The following BACH2 variants were observed in gnomAD, a reference collection of about 807,000 sequenced individuals.
BACH2 encodes BACH transcriptional regulator 2, also known as transcription regulator protein BACH2.
BACH2 carries 5 observed loss-of-function variants against 61.8 expected under a neutral mutation model. The ratio of observed to expected loss-of-function variants is 0.08; its 90% CI spans 0.04 to 0.17. The LOEUF (loss-of-function observed/expected upper bound fraction) is 0.17. Ranked by LOEUF, BACH2 falls within the 10% of genes least tolerant of loss-of-function variation. The pLI, the probability that BACH2 is intolerant of heterozygous loss-of-function variation, is 1.00. For missense variants in BACH2, 824 were observed against 1,091.1 expected (o/e 0.76, Z 3.45); for synonymous variants, 446 against 440.1 (o/e 1.01, Z -0.17).
At chr6:89,958,256 C>T (rs1774533234) in intron 6 of BACH2, among the ~76,000 whole-genome samples, 1 of 152,214 alleles carries the variant, frequency 6.6e-6, no homozygotes, top group South Asian at 2.1e-4. Flanking sequence ...GCTGGGATTA[C>T]AGGCATGAGC....
intron 4 of BACH2, among the ~76,000 whole-genome samples, chr6:90,168,651 T>A (rs1325157548): frequency 1.3e-5 from 2 of 152,188 alleles, no homozygotes; most frequent in African/African-American, 4.8e-5. Context: ...AATAGAGCTG[T>A]CTGTTAAGTA....
In BACH2 at chr6:90,279,501, C is replaced by A. The variant is rs906772719; in HGVS notation, c.-445-7560G>T. Reference sequence around the variant, plus strand: ...TCATGCCACTGCACTCCAGCCTGGGCGACAGAGCGAGACTCCGTCTCAAAA... The same window carrying A: ...TCATGCCACTGCACTCCAGCCTGGGAGACAGAGCGAGACTCCGTCTCAAAA... On this transcript the variant is annotated intron_variant, in intron 1 of 8. Coordinates refer to ENST00000257749, the MANE Select transcript of BACH2 (RefSeq NM_021813.4). 2.2e-5 allele frequency among the ~76,000 whole-genome samples: 3 copies of A among 138,602 alleles called. No individual in the cohort carries two copies. The Admixed American group carries it at 2.3e-4, about 11-fold the overall frequency. 90.9% of individuals were successfully genotyped at this position (138,602 alleles called of 152,430 possible).
At chr6:89,999,543 C>A (rs951757944) in intron 6 of BACH2, among the ~76,000 whole-genome samples, 2 of 151,214 alleles carry the variant, frequency 1.3e-5, no homozygotes, top group South Asian at 2.1e-4. Context: ...AAATTCTTAT[C>A]ATAAATTAAA....
intron 4 of BACH2, among the ~76,000 whole-genome samples, chr6:90,164,049 A>G (rs969127527): frequency 2.6e-5 from 4 of 152,352 alleles, no homozygotes; most frequent in South Asian, 2.1e-4. Context: ...GCAGAAGGCA[A>G]GAAATAACTA....
intron 6 of BACH2, among the ~76,000 whole-genome samples, chr6:89,956,298 C>T (rs896719691): frequency 4.6e-5 from 7 of 152,066 alleles, no homozygotes; most frequent in East Asian, 1.9e-4. Flanking sequence ...CATGTGGGGG[C>T]GAGACCTCGG....
chr6:89,950,783 C>A lies in BACH2; in HGVS notation c.1323G>T (p.Val441=). 1 of 1,614,156 alleles carries A rather than the reference C, an allele frequency of 6.2e-7. No individual in the cohort carries two copies. The highest frequency in any genetic ancestry group is 8.5e-7 in the Non-Finnish European group (1 of 1,180,028). ...CAGAATAAGAATGCACCGAGGTGCT[C>A]ACTTGGTCACAAGCGCTGGAGGAGA... ...VIFSSSACDQ[V]STSVHSYSGV... The change falls in exon 7 of 9, where the codon GTG becomes GTT. Residue 441 remains valine (V), a synonymous_variant. Coordinates refer to ENST00000257749, the MANE Select transcript of BACH2 (RefSeq NM_021813.4). The surrounding 1 kb of genome is among the most constrained non-coding windows in gnomAD (Gnocchi z 5.3).
intron 5 of BACH2, among the ~76,000 whole-genome samples, chr6:90,014,480 T>A (rs1462207676): frequency 6.7e-4 from 80 of 119,394 alleles, no homozygotes; most frequent in African/African-American, 2.4e-3. Context: ...TTTTTTTTTT[T>A]TTTTTTTTTT....
chr6:90,125,706 C>A (rs1783821296), intron 4 of BACH2, among the ~76,000 whole-genome samples: 1 of 152,152 alleles, frequency 6.6e-6, no homozygotes. Context: ...CACATGCATC[C>A]CTCACACCCC....
chr6:90,241,366 G>A (rs555114312), intron 3 of BACH2, among the ~76,000 whole-genome samples: 1 of 152,082 alleles, frequency 6.6e-6, no homozygotes, highest in Non-Finnish European at 1.5e-5. Context: ...CCTCCAAATG[G>A]CTCCCCCTCC....
intron 2 of BACH2, among the ~76,000 whole-genome samples, chr6:90,266,916 A>G (rs1771352145): frequency 1.3e-5 from 2 of 152,298 alleles, no homozygotes; most frequent in South Asian, 4.1e-4. Context: ...AACTTACCTC[A>G]ATTTTTTAAA....
At chr6:90,065,382 A>T (rs1036564357) in intron 5 of BACH2, among the ~76,000 whole-genome samples, 1 of 143,020 alleles carries the variant, frequency 7.0e-6, no homozygotes, top group African/African-American at 2.6e-5. Flanking sequence ...GAGTCATCCC[A>T]GGGGAGGCCT....
At chr6:90,082,404 C>G (rs1475301822) in intron 5 of BACH2, among the ~76,000 whole-genome samples, 2 of 151,942 alleles carry the variant, frequency 1.3e-5, no homozygotes, top group African/African-American at 4.8e-5. Flanking sequence ...TGAGTCCACA[C>G]AGCTATCTGT....
rs187495131 is a variant in BACH2, at chr6:90,079,138, C to G, written c.-13+9823G>C. 1.3e-5 allele frequency among the ~76,000 whole-genome samples: 2 copies of G among 152,178 alleles called. 1 individual carries two copies. The highest frequency in any genetic ancestry group is 4.8e-5 in the African/African-American group (2 of 41,438). On this transcript the variant is annotated intron_variant, in intron 5 of 8. Coordinates refer to ENST00000257749, the MANE Select transcript of BACH2 (RefSeq NM_021813.4). ...CTTTGGTGTTTCTTCTAGCCACAAACGGACACGTTATCACTTACTGTGGTT... is the reference window on the plus strand; with the variant it reads ...CTTTGGTGTTTCTTCTAGCCACAAAGGGACACGTTATCACTTACTGTGGTT...
chr6:90,070,314 C>T (rs7746962), intron 5 of BACH2, among the ~76,000 whole-genome samples: 3,430 of 152,250 alleles, frequency 0.023, 134 homozygotes, highest in African/African-American at 0.076. Context: ...GGGAGCCACT[C>T]GCACAGCTAG....
chr6:90,015,394 GTCTTT>G (rs1778006488), intron 5 of BACH2, among the ~76,000 whole-genome samples: 1 of 151,674 alleles, frequency 6.6e-6, no homozygotes, highest in Admixed American at 6.6e-5. Flanking sequence ...GATCTTTTTT[GTCTTT>G]TCTAACACAG....
chr6:90,291,079 G>A (rs1772163450), intron 1 of BACH2, among the ~76,000 whole-genome samples: 1 of 152,114 alleles, frequency 6.6e-6, no homozygotes, highest in Non-Finnish European at 1.5e-5. Flanking sequence ...GGTCAGGGAG[G>A]AAAATGACAC....
At chr6:89,973,722 G>C (rs759840044) in intron 6 of BACH2, among the ~76,000 whole-genome samples, 3 of 151,920 alleles carry the variant, frequency 2.0e-5, no homozygotes, top group African/African-American at 7.3e-5. Flanking sequence ...CTGCCTAGCT[G>C]GTTGCCTAGA....
At chr6:90,215,633 C>A (rs1389457220) in intron 3 of BACH2, among the ~76,000 whole-genome samples, 1 of 152,128 alleles carries the variant, frequency 6.6e-6, no homozygotes, top group Non-Finnish European at 1.5e-5. Context: ...GCTCAGTATA[C>A]CATTCTGCCA....
intron 2 of BACH2, among the ~76,000 whole-genome samples, chr6:90,269,893 T>C (rs980815253): frequency 1.3e-5 from 2 of 152,196 alleles, no homozygotes; most frequent in South Asian, 2.1e-4. Flanking sequence ...TGGGGGAACA[T>C]ATGGTTTCTG....
Sources: allele counts gnomAD v4.1 joint callset (sites outside exome capture counted in the v4.1 genomes callset), GRCh38; gene constraint gnomAD v4.1.1; non-coding constraint Gnocchi (gnomAD v3.1); transcripts MANE v1.5; gene names NCBI Gene and HGNC (gene_info 2026-07-23, HGNC 2026-07-21).